Variants in KCND2 observed in about 807,000 individuals in gnomAD.
The protein encoded by KCND2 is potassium voltage-gated channel subfamily D member 2.
Under a neutral mutation model 54.4 loss-of-function variants are expected in KCND2, and 16 were observed. The ratio of observed to expected loss-of-function variants is 0.29; its 90% CI spans 0.20 to 0.45. The LOEUF is 0.45. KCND2 is among the 20% of genes least tolerant of loss of function. The pLI is 1.00. For synonymous variants in KCND2, 317 were observed against 310.7 expected (o/e 1.02, Z -0.21); for missense variants, 486 against 824.2 (o/e 0.59, Z 5.02).
chr7:120,590,504 G>A (rs1342198387), intron 1 of KCND2, among the ~76,000 whole-genome samples: 1 of 152,132 alleles, frequency 6.6e-6, no homozygotes, highest in African/African-American at 2.4e-5. Flanking sequence ...GGGGAATTCT[G>A]GATGTAAGGG....
intron 1 of KCND2, among the ~76,000 whole-genome samples, chr7:120,664,088 G>A (rs1001659961): frequency 2.0e-5 from 3 of 152,056 alleles, no homozygotes; most frequent in African/African-American, 7.2e-5. Context: ...ATGTTTATGC[G>A]TGCGCGTGTG....
chr7:120,535,072 G>T (rs1157025491), intron 1 of KCND2, among the ~76,000 whole-genome samples: 1 of 152,042 alleles, frequency 6.6e-6, no homozygotes, highest in Non-Finnish European at 1.5e-5. Flanking sequence ...AGGGAAAGTG[G>T]ATGAATCTCA....
chr7:120,431,047 G>A (rs1801782082), intron 1 of KCND2, among the ~76,000 whole-genome samples: 1 of 152,174 alleles, frequency 6.6e-6, no homozygotes, highest in South Asian at 2.1e-4. Context: ...GAGTTACTGA[G>A]ACTAATATGT....
intron 1 of KCND2, among the ~76,000 whole-genome samples, chr7:120,507,058 GTCAGT>G (rs1262157437): frequency 6.6e-6 from 1 of 151,720 alleles, no homozygotes; most frequent in Non-Finnish European, 1.5e-5. Context: ...AGTTAATTTA[GTCAGT>G]TCAGTTGAAC....
intron 1 of KCND2, among the ~76,000 whole-genome samples, chr7:120,293,230 A>T (rs2116279886): frequency 6.6e-6 from 1 of 151,950 alleles, no homozygotes; most frequent in South Asian, 2.1e-4. Flanking sequence ...GTTTAATTGG[A>T]TTACAAAAAT....
At chr7:120,607,320 C>T (rs1456451000) in intron 1 of KCND2, among the ~76,000 whole-genome samples, 1 of 151,796 alleles carries the variant, frequency 6.6e-6, no homozygotes, top group African/African-American at 2.4e-5. Flanking sequence ...GAGAGGTTTT[C>T]AGAGGGCCTA....
chr7:120,611,172 T>C (rs1025747888), intron 1 of KCND2, among the ~76,000 whole-genome samples: 1 of 152,214 alleles, frequency 6.6e-6, no homozygotes, highest in African/African-American at 2.4e-5. Context: ...ATATTTGGGT[T>C]CCTCTATGCT....
At chr7:120,336,764 T>A (rs1800157667) in intron 1 of KCND2, among the ~76,000 whole-genome samples, 1 of 152,086 alleles carries the variant, frequency 6.6e-6, no homozygotes. Flanking sequence ...GGTGCATACA[T>A]ATCAGCTAGG....
At chr7:120,410,274 T>C (rs926014422) in intron 1 of KCND2, among the ~76,000 whole-genome samples, 2 of 151,652 alleles carry the variant, frequency 1.3e-5, no homozygotes, top group African/African-American at 4.8e-5. Flanking sequence ...AACATCACAC[T>C]ATTTTTACAA....
intron 1 of KCND2, among the ~76,000 whole-genome samples, chr7:120,402,562 T>C (rs962474700): frequency 1.3e-5 from 2 of 152,168 alleles, no homozygotes; most frequent in Non-Finnish European, 2.9e-5. Context: ...GTTTCTTTCT[T>C]TGGTTATTGC....
chr7:120,482,502 T>C lies in KCND2; in HGVS notation c.1115+206755T>C, dbSNP rs147726160. The stretch of plus-strand genomic sequence containing the variant: ...ATATAGTTTGAATATGTCCTCCAAA[T>C]TTCATGTGTTGGAAACTTATTCTCT... On this transcript the variant is annotated intron_variant, in intron 1 of 5. Transcript: ENST00000331113. Among the ~76,000 whole-genome samples the C allele has an allele frequency of 8.5e-5, 13 of 152,162 alleles. No individual in the cohort carries two copies. In the East Asian group the frequency reaches 2.5e-3, roughly 29 times the overall value.
In KCND2 at chr7:120,513,448, T is replaced by C. The variant is rs530487890; in HGVS notation, c.1116-219455T>C. On this transcript the variant is annotated intron_variant, in intron 1 of 5. Transcript: ENST00000331113. ...TTATGATACAGATTTAGGTTGTATC[T>C]ATGTGAAAATTAAAATTTTTACATT... is the stretch of plus-strand genomic sequence containing the variant. Among the ~76,000 whole-genome samples the C allele has an allele frequency of 7.2e-5, 11 of 152,278 alleles. 1 individual carries two copies. The South Asian group carries it at 2.1e-3, about 29-fold the overall frequency.
At chr7:120,347,962 G>A (rs1800346938) in intron 1 of KCND2, among the ~76,000 whole-genome samples, 1 of 152,050 alleles carries the variant, frequency 6.6e-6, no homozygotes, top group Non-Finnish European at 1.5e-5. Flanking sequence ...ATCATCACAT[G>A]GTGGAAAGAG....
chr7:120,425,286 C>T (rs1801691018), intron 1 of KCND2, among the ~76,000 whole-genome samples: 2 of 152,098 alleles, frequency 1.3e-5, no homozygotes, highest in African/African-American at 4.8e-5. Flanking sequence ...ATTTTGCCAC[C>T]TAGGAAAGAT....
chr7:120,422,788 C>T (rs550165023), intron 1 of KCND2, among the ~76,000 whole-genome samples: 3 of 152,180 alleles, frequency 2.0e-5, no homozygotes, highest in Non-Finnish European at 4.4e-5. Flanking sequence ...CTCAACACAG[C>T]TATTTTTCTT....
intron 1 of KCND2, among the ~76,000 whole-genome samples, chr7:120,426,023 C>A (rs947574963): frequency 4.0e-5 from 6 of 151,594 alleles, no homozygotes; most frequent in Non-Finnish European, 7.4e-5. Context: ...GTTAATTTCC[C>A]TCTTTATATC....
intron 1 of KCND2, among the ~76,000 whole-genome samples, chr7:120,670,841 G>C (rs1057281548): frequency 6.6e-6 from 1 of 151,586 alleles, no homozygotes; most frequent in South Asian, 2.1e-4. Flanking sequence ...GCATGAACTT[G>C]GGAGGCGGAG....
intron 1 of KCND2, among the ~76,000 whole-genome samples, chr7:120,705,531 TG>T (rs1412800844): frequency 1.3e-5 from 2 of 152,164 alleles, no homozygotes; most frequent in African/African-American, 4.8e-5. Flanking sequence ...TCGATAATAA[TG>T]GCTACCTGCT....
intron 1 of KCND2, among the ~76,000 whole-genome samples, chr7:120,508,921 A>G (rs775648911): frequency 3.0e-5 from 4 of 132,362 alleles, no homozygotes; most frequent in Non-Finnish European, 6.1e-5. Flanking sequence ...TCCTTTTTAA[A>G]GAAAGGAGTG....
Sources: allele counts gnomAD v4.1 joint callset (sites outside exome capture counted in the v4.1 genomes callset), GRCh38; gene constraint gnomAD v4.1.1; transcripts MANE v1.5; gene names NCBI Gene and HGNC (gene_info 2026-07-23, HGNC 2026-07-21).